Variants in ZNRF3 observed in about 807,000 individuals in gnomAD.
ZNRF3 encodes the protein zinc and ring finger 3.
A neutral mutation model predicts 72.5 loss-of-function variants in ZNRF3; 23 were observed. The observed-to-expected ratio is 0.32, with a 90% CI of 0.23 to 0.45. The LOEUF (loss-of-function observed/expected upper bound fraction) is 0.45, where lower values mean the gene tolerates loss of function less well. Ranked by LOEUF, ZNRF3 falls within the 20% of genes least tolerant of loss-of-function variation. ZNRF3 has a pLI of 1.00. For synonymous variants in ZNRF3, 610 were observed against 545.3 expected (o/e 1.12, Z -1.65); for missense variants, 1,169 against 1,272.1 (o/e 0.92, Z 1.23).
rs911725100 is a variant in ZNRF3 at position 28,887,548 on chromosome 22, A to AT, written c.300+3492dup. Among the ~76,000 whole-genome samples, 147 of 150,532 alleles carry AT rather than the reference A, an allele frequency of 9.8e-4. 1 individual carries two copies. The highest frequency in any genetic ancestry group is 3.2e-3 in the African/African-American group (131 of 41,108). On this transcript the variant is annotated intron_variant, in intron 1 of 8. Transcript: ENST00000544604. Reference sequence around the variant, plus strand: ...GTCACCAATGTAATCTGAATGAAGAATTTTTTTTTTAATGTCTCCATCTGT... The same window carrying AT: ...GTCACCAATGTAATCTGAATGAAGAATTTTTTTTTTTAATGTCTCCATCTGT...
intron 2 of ZNRF3, among the ~76,000 whole-genome samples, chr22:29,027,828 C>T (rs1476868957): frequency 6.6e-6 from 1 of 152,132 alleles, no homozygotes; most frequent in Non-Finnish European, 1.5e-5. Flanking sequence ...TCAGTCCAAG[C>T]AGTGTGAGAT....
intron 1 of ZNRF3, among the ~76,000 whole-genome samples, chr22:28,894,282 G>C (rs1021369965): frequency 5.9e-5 from 9 of 151,732 alleles, no homozygotes; most frequent in African/African-American, 1.9e-4. Flanking sequence ...AATACAAAAT[G>C]TCGTAAAAGT....
At chr22:28,990,826 T>A (rs2035939527) in intron 2 of ZNRF3, among the ~76,000 whole-genome samples, 1 of 152,116 alleles carries the variant, frequency 6.6e-6, no homozygotes, top group Admixed American at 6.5e-5. Context: ...TTTTGAAGGT[T>A]GACTTTAATA....
intron 1 of ZNRF3, among the ~76,000 whole-genome samples, chr22:28,957,430 A>G (rs1019960654): frequency 5.9e-5 from 9 of 151,964 alleles, no homozygotes; most frequent in African/African-American, 1.9e-4. Flanking sequence ...GATAATAATG[A>G]CAGTTTTTGT....
At position 28,937,723 on chromosome 22, in the gene ZNRF3, A is replaced by T. The variant is rs1309356270; in HGVS notation, c.301-49353A>T. Among the ~76,000 whole-genome samples the T allele has an allele frequency of 2.0e-5, 3 of 152,312 alleles. No individual in the cohort carries two copies. In the East Asian group the frequency reaches 5.8e-4, roughly 29 times the overall value. Reference sequence around the variant, plus strand: ...AACCACTGATCTAGAAGGTACAAGGAAATGAACATCGTCTTCAGTCTTACC... The same window carrying T: ...AACCACTGATCTAGAAGGTACAAGGTAATGAACATCGTCTTCAGTCTTACC... On this transcript the variant is annotated intron_variant, in intron 1 of 8. Coordinates refer to ENST00000544604, the MANE Select transcript of ZNRF3 (RefSeq NM_001206998.2).
chr22:29,046,225 A>G (rs1435912669), intron 5 of ZNRF3, among the ~76,000 whole-genome samples: 1 of 152,142 alleles, frequency 6.6e-6, no homozygotes, highest in East Asian at 1.9e-4. Flanking sequence ...TTGGAAGGCA[A>G]TCTGTAGAGA....
At chr22:28,935,946 T>C (rs1486993842) in intron 1 of ZNRF3, among the ~76,000 whole-genome samples, 2 of 152,156 alleles carry the variant, frequency 1.3e-5, no homozygotes, top group South Asian at 2.1e-4. Context: ...CCAGGGCATA[T>C]TGAACCCCTC....
rs144180638 is a variant in ZNRF3 at position 28,986,827 on chromosome 22, G to A, written c.301-249G>A. Among the ~76,000 whole-genome samples, 157 of 152,110 alleles carry A rather than the reference G, an allele frequency of 1.0e-3. 1 individual carries two copies. Among genetic ancestry groups the A allele is most frequent in the African/African-American group, 3.6e-3 (148 of 41,476 alleles). ...ATCCTATTGGGCAGTTTCCACCTTG[G>A]ATCACCATCACTTACAAGGCAGTAA... On this transcript the variant is annotated intron_variant, in intron 1 of 8. Coordinates refer to ENST00000544604, the MANE Select transcript of ZNRF3 (RefSeq NM_001206998.2).
Position 29,053,923 on chromosome 22 carries a change from GT to G in ZNRF3, c.*310del, listed in dbSNP as rs201334273. ...GGTGTGGGATTGAGTTCTCTGCTTT[GT>G]TTTTTTTTAAGATATTGTATGTAAA... On this transcript the variant is annotated 3_prime_UTR_variant, in exon 9 of 9. Coordinates refer to ENST00000544604, the MANE Select transcript of ZNRF3 (RefSeq NM_001206998.2). 2.1e-4 allele frequency: 47 copies of G among 220,294 alleles called. No homozygotes were observed. Among genetic ancestry groups the G allele is most frequent in the East Asian group, 2.8e-4 (3 of 10,622 alleles). 13.6% of individuals were successfully genotyped at this position (220,294 alleles called of 1,614,324 possible). A position where few individuals can be genotyped will look rare whatever the true frequency, so the allele number is the denominator to read the frequency against.
chr22:28,893,115 C>G (rs147127702), intron 1 of ZNRF3, among the ~76,000 whole-genome samples: 2,798 of 151,364 alleles, frequency 0.018, 90 homozygotes, highest in African/African-American at 0.062. Flanking sequence ...TGCAGTGAGC[C>G]GAGATCACAC....
intron 2 of ZNRF3, among the ~76,000 whole-genome samples, chr22:29,004,040 A>G (rs992054843): frequency 4.6e-5 from 7 of 152,256 alleles, no homozygotes; most frequent in Admixed American, 3.9e-4. Context: ...AAGGTAAGAA[A>G]AGAAGCATGC....
Position 29,050,571 on chromosome 22 carries a change from G to A in ZNRF3, c.2390G>A (p.Cys797Tyr). 6.2e-7 allele frequency: 1 copy of A among 1,608,676 alleles called. No homozygotes were observed. The highest frequency in any genetic ancestry group is 1.7e-5 in the Admixed American group (1 of 59,478). ...CGCGGGGGCGGAGGGGGCAGCGGCT[G>A]CTACACTGAGGACTACTCGGTGAGT... Reference protein sequence around the residue: ...VARGGGGGSGCYTEDYSVSVQ... With the variant: ...VARGGGGGSGYYTEDYSVSVQ... The change falls in exon 8 of 9, where the codon TGC becomes TAC. Residue 797 changes from cysteine to tyrosine, a missense_variant. Physicochemically the swap from Cys to Tyr is radical, Grantham distance 194. Transcript: ENST00000544604.
At chr22:28,957,759 C>T (rs2035285628) in intron 1 of ZNRF3, among the ~76,000 whole-genome samples, 1 of 151,922 alleles carries the variant, frequency 6.6e-6, no homozygotes, top group Non-Finnish European at 1.5e-5. Flanking sequence ...CTTTTTGAGA[C>T]CTTGGACATT....
intron 2 of ZNRF3, among the ~76,000 whole-genome samples, chr22:29,003,439 G>A (rs895817282): frequency 4.6e-5 from 7 of 151,382 alleles, no homozygotes; most frequent in African/African-American, 1.2e-4. Context: ...GCTTGAACCC[G>A]GGAGGTGGAG....
chr22:29,049,608 G>A lies in ZNRF3; in HGVS notation c.1427G>A (p.Gly476Asp). The A allele has an allele frequency of 1.2e-6, 2 of 1,609,990 alleles. No individual in the cohort carries two copies. The highest frequency in any genetic ancestry group is 1.1e-5 in the South Asian group (1 of 90,914). The stretch of plus-strand genomic sequence containing the variant: ...ATGTACCAGCACTACTACTTCCAGG[G>A]CCTCAGCTACCCGGAGCAGGAGGGG... Reference protein sequence around the residue: ...ETMYQHYYFQGLSYPEQEGQS... With the variant: ...ETMYQHYYFQDLSYPEQEGQS... Residue 476 changes from glycine (G) to aspartate (D), a missense_variant, in exon 8 of 9, where the codon GGC (glycine) becomes GAC (aspartate). Physicochemically the swap from Gly to Asp is moderately conservative, Grantham distance 94 (BLOSUM62 -1). Coordinates refer to ENST00000544604, the MANE Select transcript of ZNRF3 (RefSeq NM_001206998.2). The surrounding 1 kb of genome is among the most constrained non-coding windows in gnomAD (Gnocchi z 5.2).
At chr22:28,895,826 T>C (rs2033983233) in intron 1 of ZNRF3, among the ~76,000 whole-genome samples, 1 of 152,170 alleles carries the variant, frequency 6.6e-6, no homozygotes, top group Admixed American at 6.5e-5. Context: ...GCTGCGATGG[T>C]TGAATTCCAG....
chr22:28,947,560 C>G (rs1003770814), intron 1 of ZNRF3, among the ~76,000 whole-genome samples: 5 of 152,154 alleles, frequency 3.3e-5, no homozygotes, highest in Admixed American at 1.3e-4. Context: ...CCTATATTAG[C>G]AGGTATGAAG....
chr22:28,990,387 A>G (rs896299230), intron 2 of ZNRF3, among the ~76,000 whole-genome samples: 4 of 152,220 alleles, frequency 2.6e-5, no homozygotes, highest in African/African-American at 4.8e-5. Context: ...AGAGTTTGCT[A>G]TTAAGTAAGG....
At chr22:28,997,043 T>G (rs1252141981) in intron 2 of ZNRF3, among the ~76,000 whole-genome samples, 1 of 152,156 alleles carries the variant, frequency 6.6e-6, no homozygotes, top group Admixed American at 6.5e-5. Flanking sequence ...AGTGGTGAGA[T>G]TCTCAACTTA....
Sources: gnomAD v4.1 joint callset for allele counts (sites outside exome capture counted in the v4.1 genomes callset) on GRCh38, gnomAD v4.1.1 for gene constraint, Gnocchi (gnomAD v3.1) non-coding constraint, MANE v1.5 for transcripts, NCBI Gene and HGNC (gene_info 2026-07-23, HGNC 2026-07-21) for gene names.